Variants in SLC35D4 observed in about 807,000 individuals in gnomAD.
SLC35D4 encodes the protein UDP-N-acetylglucosamine transporter SLC35D4.
chr18:23,267,838 G>A, the SLC35D4 span, among the ~76,000 whole-genome samples: 2 of 152,184 alleles, frequency 1.3e-5, no homozygotes, highest in Non-Finnish European at 2.9e-5. Context: ...TCAGGCCCCT[G>A]GCACACAGGC....
chr18:23,267,462 A>G, the SLC35D4 span, among the ~76,000 whole-genome samples: 3 of 148,026 alleles, frequency 2.0e-5, no homozygotes, highest in Non-Finnish European at 3.0e-5. Context: ...CACTCCCTCC[A>G]CCCCGGCCCA....
At chr18:23,301,384 G>T in the SLC35D4 span, among the ~76,000 whole-genome samples, 46 of 152,190 alleles carry the variant, frequency 3.0e-4, no homozygotes, top group Non-Finnish European at 4.1e-4. Flanking sequence ...GTGATGGGGG[G>T]ACGTTTTCTT....
chr18:23,279,647 C>T, the SLC35D4 span, among the ~76,000 whole-genome samples: 1 of 152,066 alleles, frequency 6.6e-6, no homozygotes, highest in Admixed American at 6.6e-5. Flanking sequence ...AGGAAACAGA[C>T]ATCTACAAGG....
the SLC35D4 span, among the ~76,000 whole-genome samples, chr18:23,388,779 T>G: frequency 6.6e-6 from 1 of 152,140 alleles, no homozygotes; most frequent in African/African-American, 2.4e-5. Flanking sequence ...ATGATAGTGG[T>G]TCTCATAAGA....
chr18:23,411,369 G>A, the SLC35D4 span, among the ~76,000 whole-genome samples: 2 of 148,678 alleles, frequency 1.3e-5, no homozygotes, highest in Non-Finnish European at 3.0e-5. Context: ...GGAAGGGAGA[G>A]AAGAGAAGGG....
chr18:23,385,858 G>A, the SLC35D4 span, among the ~76,000 whole-genome samples: 11 of 152,154 alleles, frequency 7.2e-5, no homozygotes, highest in East Asian at 5.8e-4. Context: ...AAGGCCGGGC[G>A]TGGTGGCTCA....
chr18:23,378,202 T>TC, the SLC35D4 span, among the ~76,000 whole-genome samples: 3 of 151,440 alleles, frequency 2.0e-5, no homozygotes, highest in African/African-American at 4.8e-5. Flanking sequence ...TTTCTTTCTT[T>TC]TTTTTTTTTT....
the SLC35D4 span, chr18:23,399,611 C>T: frequency 6.2e-7 from 1 of 1,613,934 alleles, no homozygotes; most frequent in Non-Finnish European, 8.5e-7. Context: ...TACCCACAAA[C>T]AGCACTGAAG....
the SLC35D4 span, chr18:23,371,543 A>C: frequency 1.6e-6 from 2 of 1,266,974 alleles, no homozygotes; most frequent in Non-Finnish European, 2.2e-6. Context: ...TGGCCATCAG[A>C]AAACCTGTCA....
chr18:23,414,611 T>C, the SLC35D4 span, among the ~76,000 whole-genome samples: 1 of 150,644 alleles, frequency 6.6e-6, no homozygotes, highest in Non-Finnish European at 1.5e-5. Context: ...AGGCAGAGGT[T>C]GCAATGAGCC....
chr18:23,396,069 T>C, the SLC35D4 span, among the ~76,000 whole-genome samples: 84 of 152,318 alleles, frequency 5.5e-4, no homozygotes, highest in Non-Finnish European at 9.1e-4. Context: ...AATGGACAGC[T>C]ACAAGAAAAA....
the SLC35D4 span, among the ~76,000 whole-genome samples, chr18:23,409,317 C>T: frequency 6.6e-6 from 1 of 152,156 alleles, no homozygotes; most frequent in Non-Finnish European, 1.5e-5. Flanking sequence ...TCAACAAAAA[C>T]GGGATGCTAT....
chr18:23,402,204 G>A, the SLC35D4 span, among the ~76,000 whole-genome samples: 1 of 152,196 alleles, frequency 6.6e-6, no homozygotes, highest in Non-Finnish European at 1.5e-5. Context: ...GAATACATTT[G>A]AATCACTGGA....
chr18:23,301,993 T>G, the SLC35D4 span, among the ~76,000 whole-genome samples: 3 of 152,234 alleles, frequency 2.0e-5, no homozygotes, highest in Non-Finnish European at 2.9e-5. Flanking sequence ...TATTGAGTAC[T>G]TCGGTTTATA....
the SLC35D4 span, among the ~76,000 whole-genome samples, chr18:23,277,637 G>A: frequency 7.9e-5 from 12 of 152,304 alleles, no homozygotes; most frequent in Non-Finnish European, 1.8e-4. Context: ...ACAGGCAAGG[G>A]AAACTTTATT....
the SLC35D4 span, among the ~76,000 whole-genome samples, chr18:23,264,719 G>T: frequency 2.8e-4 from 43 of 151,556 alleles, 1 homozygote; most frequent in Non-Finnish European, 1.9e-4. Context: ...GAGCAGGGGT[G>T]CAATCATGGC....
chr18:23,434,740 G>A, the SLC35D4 span, among the ~76,000 whole-genome samples: 1 of 152,098 alleles, frequency 6.6e-6, no homozygotes, highest in African/African-American at 2.4e-5. Context: ...GTTACAGTAA[G>A]CCATGATTGC....
chr18:23,342,163 C>T, the SLC35D4 span, among the ~76,000 whole-genome samples: 1 of 152,142 alleles, frequency 6.6e-6, no homozygotes, highest in Non-Finnish European at 1.5e-5. Flanking sequence ...GATGATGCAA[C>T]CATCACCACA....
At chr18:23,249,937 C>T in the SLC35D4 span, among the ~76,000 whole-genome samples, 1 of 152,222 alleles carries the variant, frequency 6.6e-6, no homozygotes, top group African/African-American at 2.4e-5. Flanking sequence ...GCGCTGGCCC[C>T]TGCCTGCGGC....
Sources: allele counts gnomAD v4.1 joint callset (sites outside exome capture counted in the v4.1 genomes callset), GRCh38; gene constraint gnomAD v4.1.1; transcripts MANE v1.5; gene names NCBI Gene and HGNC (gene_info 2026-07-23, HGNC 2026-07-21).